PCDHA13: variants seen among roughly 807,000 people sequenced by gnomAD.
PCDHA13 encodes the protein protocadherin alpha-13.
PCDHA13 carries 54 observed loss-of-function variants against 64.8 expected under a neutral mutation model. The ratio of observed to expected loss-of-function variants is 0.83; its 90% confidence interval spans 0.67 to 1.04. PCDHA13 has a LOEUF of 1.04. Ranked by LOEUF, PCDHA13 falls within the 50% of genes least tolerant of loss-of-function variation. PCDHA13 has a pLI of 0.00. For synonymous variants in PCDHA13, 587 were observed against 564.4 expected, an observed-to-expected ratio of 1.04 and a Z score of -0.57; for missense variants, 1,248 against 1,254.3, an observed-to-expected ratio of 0.99 and a Z score of 0.08.
chr5:140,966,183 C>T (rs1399845859), intron 1 of PCDHA13: 1 of 195,556 alleles, frequency 5.1e-6, no homozygotes, highest in African/African-American at 2.3e-5. Flanking sequence ...AGCTGATAGC[C>T]AGACTTCTAG....
At position 140,971,724 on chromosome 5, in the gene PCDHA13, C is replaced by T. The variant is rs1489489083; in HGVS notation, c.2395-7225C>T. On this transcript the variant is annotated intron_variant, in intron 1 of 3. Coordinates refer to ENST00000289272, the MANE Select transcript of PCDHA13 (RefSeq NM_018904.3). ...CCCTGCTATATAGATATATGTATAT[C>T]ATACATATACACATACATATATCTC... 2.0e-5 allele frequency among the ~76,000 whole-genome samples: 3 copies of T among 151,776 alleles called. No homozygotes were observed. The East Asian group carries it at 5.8e-4, about 29-fold the overall frequency.
intron 1 of PCDHA13, among the ~76,000 whole-genome samples, chr5:140,913,536 C>A (rs949214910): frequency 4.6e-5 from 7 of 151,882 alleles, no homozygotes; most frequent in Non-Finnish European, 8.8e-5. Context: ...AAAAGATTGA[C>A]TTTTTGTTTT....
chr5:140,891,096 T>A (rs926770209), intron 1 of PCDHA13, among the ~76,000 whole-genome samples: 1 of 152,210 alleles, frequency 6.6e-6, no homozygotes, highest in African/African-American at 2.4e-5. Context: ...ATTGTTGCTG[T>A]CAAGAATTTA....
In PCDHA13 at chr5:140,924,907, AAAATAAAAT is replaced by A. The variant is rs1563068988; in HGVS notation, c.2394+40249_2394+40257del. 7.1e-4 allele frequency among the ~76,000 whole-genome samples: 36 copies of A among 50,968 alleles called. 1 individual carries two copies. The highest frequency in any genetic ancestry group is 1.7e-3 in the African/African-American group (12 of 7,266). The allele number at this position is 50,968 out of a possible 152,430, so 33.4% of individuals were successfully genotyped here. ...AAGAACCTGTCTCAAAAAAAAAAAT[AAAATAAAAT>A]AAAATAAAATAAAATAAAATAAAAA... On this transcript the variant is annotated intron_variant, in intron 1 of 3. Transcript: ENST00000289272.
intron 1 of PCDHA13, among the ~76,000 whole-genome samples, chr5:140,936,534 T>C (rs1327354780): frequency 1.3e-5 from 2 of 152,230 alleles, no homozygotes; most frequent in African/African-American, 2.4e-5. Context: ...TGCTTTTGAA[T>C]ATAGTGCAAT....
intron 3 of PCDHA13, among the ~76,000 whole-genome samples, chr5:140,992,217 C>T (rs1281643880): frequency 6.6e-6 from 1 of 152,088 alleles, no homozygotes; most frequent in Non-Finnish European, 1.5e-5. Flanking sequence ...AACTACTCTC[C>T]CTTCCTGGGA....
intron 1 of PCDHA13, among the ~76,000 whole-genome samples, chr5:140,946,468 C>T (rs1249840749): frequency 1.3e-5 from 2 of 151,720 alleles, no homozygotes; most frequent in Non-Finnish European, 2.9e-5. Flanking sequence ...AATCCCACTA[C>T]TGGGTATATA....
intron 1 of PCDHA13, among the ~76,000 whole-genome samples, chr5:140,945,853 A>G (rs782332952): frequency 6.6e-6 from 1 of 152,190 alleles, no homozygotes; most frequent in Non-Finnish European, 1.5e-5. Flanking sequence ...AAAGACTTAA[A>G]CATAGACCTG....
chr5:140,884,217 T>C lies in PCDHA13; in HGVS notation c.1949T>C (p.Leu650Pro), dbSNP rs782181432. Residue 650 changes from leucine to proline, a missense_variant, in exon 1 of 4, where the codon CTG becomes CCG. Coordinates refer to ENST00000289272, the MANE Select transcript of PCDHA13 (RefSeq NM_018904.3). Reference sequence around the variant, plus strand: ...GCGCCGCACCACCGCCTTCTGGTGCTGGTGAAGGACCACGGTGAGCCCGCG... The same window carrying C: ...GCGCCGCACCACCGCCTTCTGGTGCCGGTGAAGGACCACGGTGAGCCCGCG... ...VDAPHHRLLVLVKDHGEPALT... is the reference protein window; with the variant it reads ...VDAPHHRLLVPVKDHGEPALT... 1 of 1,613,448 alleles carries C rather than the reference T, an allele frequency of 6.2e-7. No homozygotes were observed. The highest frequency in any genetic ancestry group is 2.2e-5 in the East Asian group (1 of 44,850).
chr5:140,905,120 G>T (rs1191513318), intron 1 of PCDHA13, among the ~76,000 whole-genome samples: 3 of 152,214 alleles, frequency 2.0e-5, no homozygotes, highest in African/African-American at 7.2e-5. Flanking sequence ...CTAAGCCAAT[G>T]TCTAGAAGAG....
In PCDHA13 at chr5:140,917,330, A is replaced by T. The variant is rs155802; in HGVS notation, c.2394+32668A>T. On this transcript the variant is annotated intron_variant, in intron 1 of 3. Coordinates refer to ENST00000289272, the MANE Select transcript of PCDHA13 (RefSeq NM_018904.3). The stretch of plus-strand genomic sequence containing the variant: ...CAATTTGGTGTTCATGTGGCGGGGG[A>T]GGGGGGGGATGGTGTAGGCTTCTGT... Among the ~76,000 whole-genome samples, 56 of 103,230 alleles carry T rather than the reference A, an allele frequency of 5.4e-4. 2 individuals are homozygous for T. In the South Asian group the frequency reaches 0.01, roughly 19 times the overall value. The allele number at this position is 103,230 out of a possible 152,430, so 67.7% of individuals were successfully genotyped here.
chr5:140,944,472 G>C (rs1554216383), intron 1 of PCDHA13, among the ~76,000 whole-genome samples: 2 of 152,220 alleles, frequency 1.3e-5, no homozygotes, highest in Non-Finnish European at 2.9e-5. Context: ...CAGGTATGAG[G>C]CACTGGACTG....
chr5:140,925,371 A>ATATT (rs1554202717), intron 1 of PCDHA13, among the ~76,000 whole-genome samples: 1 of 152,136 alleles, frequency 6.6e-6, no homozygotes, highest in Non-Finnish European at 1.5e-5. Context: ...CATAGTCAAT[A>ATATT]GTCAATGAGT....
chr5:140,960,253 G>A (rs1554224599), intron 1 of PCDHA13, among the ~76,000 whole-genome samples: 1 of 152,178 alleles, frequency 6.6e-6, no homozygotes, highest in African/African-American at 2.4e-5. Context: ...GCTTCCTGGA[G>A]CTTCTGATAA....
At chr5:140,991,505 G>T (rs2097456335) in intron 3 of PCDHA13, among the ~76,000 whole-genome samples, 1 of 152,180 alleles carries the variant, frequency 6.6e-6, no homozygotes, top group Admixed American at 6.5e-5. Context: ...AGTTTCACTG[G>T]CTAAAATCAA....
chr5:141,006,503 G>A (rs1163915409), intron 3 of PCDHA13, among the ~76,000 whole-genome samples: 2 of 152,168 alleles, frequency 1.3e-5, no homozygotes, highest in South Asian at 2.1e-4. Context: ...GTGAGCCACC[G>A]CGCCTGGCTG....
At chr5:140,913,619 G>A (rs188632685) in intron 1 of PCDHA13, among the ~76,000 whole-genome samples, 1 of 151,848 alleles carries the variant, frequency 6.6e-6, no homozygotes, top group Non-Finnish European at 1.5e-5. Context: ...TACTAATTTT[G>A]GATTCAGTTT....
chr5:140,987,078 G>T (rs1158243032), intron 3 of PCDHA13, among the ~76,000 whole-genome samples: 4 of 152,026 alleles, frequency 2.6e-5, no homozygotes, highest in Non-Finnish European at 5.9e-5. Context: ...GCTGGGCGTG[G>T]TGGCAGGTGC....
intron 1 of PCDHA13, chr5:140,967,401 G>T (rs374310490): frequency 1.2e-6 from 2 of 1,611,944 alleles, no homozygotes; most frequent in Non-Finnish European, 1.7e-6. Flanking sequence ...CTGGTGCTGC[G>T]TAAGGGCCTA....
Sources: allele counts gnomAD v4.1 joint callset (sites outside exome capture counted in the v4.1 genomes callset), GRCh38; gene constraint gnomAD v4.1.1; transcripts MANE v1.5; gene names NCBI Gene and HGNC (gene_info 2026-07-23, HGNC 2026-07-21).